NME7: variants seen among roughly 807,000 people sequenced by gnomAD.
NME7 encodes the protein NME/NM23 family member 7.
In NME7, 41 loss-of-function variants were observed where a neutral mutation model predicts 49.1. The ratio of observed to expected loss-of-function variants is 0.83; its 90% CI spans 0.65 to 1.08. The LOEUF is 1.08. Among genes scored for constraint, NME7 ranks in the 50% least tolerant of loss-of-function variants. The pLI is 0.00. For missense variants in NME7, 423 were observed against 463.4 expected (o/e 0.91, Z 0.80); for synonymous variants, 139 against 150.6 (o/e 0.92, Z 0.56).
At chr1:169,223,239 T>C (rs1370272490) in intron 10 of NME7, among the ~76,000 whole-genome samples, 3 of 152,184 alleles carry the variant, frequency 2.0e-5, no homozygotes, top group African/African-American at 7.2e-5. Flanking sequence ...TCCTATCTTG[T>C]GGTATATGAT....
intron 10 of NME7, among the ~76,000 whole-genome samples, chr1:169,203,832 C>G (rs911774757): frequency 2.0e-5 from 3 of 152,116 alleles, no homozygotes; most frequent in Non-Finnish European, 4.4e-5. Flanking sequence ...GATCCCGCAT[C>G]CCCTCATGGC....
rs1467445692 is a variant in NME7 at position 169,265,622 on chromosome 1, A to C, written c.754+21681T>G. On this transcript the variant is annotated intron_variant, in intron 7 of 11. Coordinates refer to ENST00000367811, the MANE Select transcript of NME7 (RefSeq NM_013330.5). ...CCAAAGCTAGCAGAAGACAAGAAATAACCAAAATCAAGAGCTAAAATGGAG... is the reference window on the plus strand; with the variant it reads ...CCAAAGCTAGCAGAAGACAAGAAATCACCAAAATCAAGAGCTAAAATGGAG... Among the ~76,000 whole-genome samples, 4 of 133,266 alleles carry C rather than the reference A, an allele frequency of 3.0e-5. 1 individual carries two copies. The highest frequency in any genetic ancestry group is 1.0e-4 in the African/African-American group (4 of 39,378). The allele number at this position is 133,266 out of a possible 152,430, so 87.4% of individuals were successfully genotyped here. A position where few individuals can be genotyped will look rare whatever the true frequency, so the allele number is the denominator to read the frequency against.
At chr1:169,365,571 T>G (rs906834175) in intron 1 of NME7, among the ~76,000 whole-genome samples, 1 of 152,108 alleles carries the variant, frequency 6.6e-6, no homozygotes, top group African/African-American at 2.4e-5. Flanking sequence ...TTTTTTTTTT[T>G]AAGTATGGAA....
At chr1:169,234,056 A>G (rs1647755053) in intron 9 of NME7, among the ~76,000 whole-genome samples, 1 of 152,178 alleles carries the variant, frequency 6.6e-6, no homozygotes, top group African/African-American at 2.4e-5. Flanking sequence ...GTCAAAATGT[A>G]TAAAATGGAA....
At chr1:169,335,972 T>A (rs1038831861) in intron 1 of NME7, among the ~76,000 whole-genome samples, 2 of 151,942 alleles carry the variant, frequency 1.3e-5, no homozygotes, top group Non-Finnish European at 2.9e-5. Context: ...TCTCACCGAC[T>A]TCAAGAATGA....
At chr1:169,253,652 G>T (rs946406712) in intron 7 of NME7, among the ~76,000 whole-genome samples, 1 of 152,270 alleles carries the variant, frequency 6.6e-6, no homozygotes, top group South Asian at 2.1e-4. Context: ...GTTTTCAAAC[G>T]GAATGCTTCT....
chr1:169,344,950 G>A (rs1192157635), intron 1 of NME7, among the ~76,000 whole-genome samples: 2 of 152,186 alleles, frequency 1.3e-5, no homozygotes, highest in Non-Finnish European at 2.9e-5. Flanking sequence ...TAGAATTCAT[G>A]AGAGTAGTCA....
intron 4 of NME7, among the ~76,000 whole-genome samples, chr1:169,305,745 C>G (rs113986046): frequency 2.0e-5 from 3 of 152,158 alleles, no homozygotes; most frequent in African/African-American, 7.2e-5. Flanking sequence ...TACACCTGGG[C>G]ATTGGTCATT....
At chr1:169,299,910 T>C (rs1172754150) in intron 5 of NME7, among the ~76,000 whole-genome samples, 1 of 152,008 alleles carries the variant, frequency 6.6e-6, no homozygotes, top group Non-Finnish European at 1.5e-5. Flanking sequence ...GTTTATTCAC[T>C]CAATAAGCAT....
At chr1:169,252,973 T>C (rs1160545667) in intron 7 of NME7, among the ~76,000 whole-genome samples, 1 of 149,648 alleles carries the variant, frequency 6.7e-6, no homozygotes, top group Non-Finnish European at 1.5e-5. Flanking sequence ...AGCCTTGTAG[T>C]ATAGTTTGAA....
intron 1 of NME7, among the ~76,000 whole-genome samples, chr1:169,356,779 C>G (rs1022904679): frequency 1.3e-5 from 2 of 152,148 alleles, no homozygotes; most frequent in Non-Finnish European, 2.9e-5. Flanking sequence ...GAGTTTCCTA[C>G]TTCATTTCCA....
At chr1:169,324,725 T>C (rs1651994809) in intron 1 of NME7, among the ~76,000 whole-genome samples, 1 of 152,254 alleles carries the variant, frequency 6.6e-6, no homozygotes, top group Non-Finnish European at 1.5e-5. Flanking sequence ...AGATGACTTA[T>C]GGATTGCTTT....
intron 1 of NME7, among the ~76,000 whole-genome samples, chr1:169,354,509 A>T (rs1653307726): frequency 6.6e-6 from 1 of 151,780 alleles, no homozygotes; most frequent in African/African-American, 2.4e-5. Flanking sequence ...ACATTTTAAA[A>T]TAACTAGAAG....
chr1:169,281,598 A>T (rs969072297), intron 7 of NME7, among the ~76,000 whole-genome samples: 4 of 152,154 alleles, frequency 2.6e-5, no homozygotes, highest in Non-Finnish European at 5.9e-5. Flanking sequence ...TTTGTCATAA[A>T]TCGCTCTTAT....
chr1:169,148,016 T>G (rs1221179520), intron 11 of NME7, among the ~76,000 whole-genome samples: 2 of 152,144 alleles, frequency 1.3e-5, no homozygotes, highest in Non-Finnish European at 2.9e-5. Context: ...TTTTATTTTT[T>G]TTTTGAGACA....
At chr1:169,329,757 G>A (rs1031813475) in intron 1 of NME7, among the ~76,000 whole-genome samples, 2 of 152,102 alleles carry the variant, frequency 1.3e-5, no homozygotes, top group Non-Finnish European at 2.9e-5. Flanking sequence ...GAAAGAGATA[G>A]GGGTAGAAAG....
At chr1:169,214,756 G>T (rs1214495364) in intron 10 of NME7, among the ~76,000 whole-genome samples, 1 of 152,224 alleles carries the variant, frequency 6.6e-6, no homozygotes, top group African/African-American at 2.4e-5. Flanking sequence ...GTGAGCAAAT[G>T]CAGGAACCAG....
At position 169,230,776 on chromosome 1, in the gene NME7, T is replaced by G. The variant is rs142020252; in HGVS notation, c.932A>C (p.Glu311Ala). ...EMYSGPCVAM[E>A]IQQNNATKTF... ...CTTTGTAGCATTATTCTGTTGAATCTCCATTGCTACACAAGGGCCAGAATA... is the reference window on the plus strand; with the variant it reads ...CTTTGTAGCATTATTCTGTTGAATCGCCATTGCTACACAAGGGCCAGAATA... The change falls in exon 10 of 12, where the codon GAG becomes GCG. Residue 311 changes from glutamate to alanine, a missense_variant. Transcript: ENST00000367811. 5.0e-5 allele frequency: 80 copies of G among 1,607,832 alleles called. No individual in the cohort carries two copies. The highest frequency in any genetic ancestry group is 6.8e-5 in the Non-Finnish European group (80 of 1,177,338).
In NME7 at chr1:169,282,549, A is replaced by G. The variant is rs1650066552; in HGVS notation, c.754+4754T>C. On this transcript the variant is annotated intron_variant, in intron 7 of 11. Coordinates refer to ENST00000367811, the MANE Select transcript of NME7 (RefSeq NM_013330.5). ...CTTTCAATTTTGATGTTAGGGTATC[A>G]ATTTTAGATCTTTCCTGCTTTCTCT... is the stretch of plus-strand genomic sequence containing the variant. 2.0e-5 allele frequency among the ~76,000 whole-genome samples: 3 copies of G among 152,040 alleles called. No homozygotes were observed. The South Asian group carries it at 6.2e-4, about 32-fold the overall frequency.
Sources: gnomAD v4.1 joint callset for allele counts (sites outside exome capture counted in the v4.1 genomes callset) on GRCh38, gnomAD v4.1.1 for gene constraint, MANE v1.5 for transcripts, NCBI Gene and HGNC (gene_info 2026-07-23, HGNC 2026-07-21) for gene names.